Variants in MCPH1 observed in about 807,000 individuals in gnomAD.
The protein encoded by MCPH1 is microcephalin.
A neutral mutation model predicts 84.5 loss-of-function variants in MCPH1; 104 were observed. The observed-to-expected ratio is 1.23, with a 90% CI of 1.05 to 1.45. MCPH1 has a LOEUF of 1.45. MCPH1 is among the 40% of genes most tolerant of loss of function. MCPH1 has a pLI of 0.00. For synonymous variants in MCPH1, 514 were observed against 366.8 expected, an observed-to-expected ratio of 1.40 and a Z score of -4.58; for missense variants, 1,498 against 1,005.7, an observed-to-expected ratio of 1.49 and a Z score of -6.62.
chr8:6,555,834 T>C (rs1824516519), intron 12 of MCPH1, among the ~76,000 whole-genome samples: 1 of 152,252 alleles, frequency 6.6e-6, no homozygotes, highest in South Asian at 2.1e-4. Flanking sequence ...CCAATTCTAT[T>C]ACAAGGTGGA....
intron 12 of MCPH1, among the ~76,000 whole-genome samples, chr8:6,551,100 C>T (rs1823569419): frequency 6.6e-6 from 1 of 152,198 alleles, no homozygotes; most frequent in South Asian, 2.1e-4. Flanking sequence ...TGCTTACCTT[C>T]CACGGCTCCT....
At chr8:6,609,901 C>T (rs1344138073) in intron 12 of MCPH1, among the ~76,000 whole-genome samples, 1 of 148,108 alleles carries the variant, frequency 6.8e-6, no homozygotes, top group African/African-American at 2.5e-5. Flanking sequence ...TACACACCCT[C>T]CTCTGCCATC....
At chr8:6,441,790 G>C (rs1022080713) in intron 6 of MCPH1, among the ~76,000 whole-genome samples, 2 of 152,222 alleles carry the variant, frequency 1.3e-5, no homozygotes, top group Non-Finnish European at 2.9e-5. Flanking sequence ...CTCTGGTTGG[G>C]AAGCAGTGCT....
intron 13 of MCPH1, chr8:6,622,113 C>A (rs1246115556): frequency 3.2e-6 from 1 of 315,850 alleles, no homozygotes; most frequent in South Asian, 2.9e-5. Flanking sequence ...ATCTCCTCTC[C>A]CAGGTACATC....
At chr8:6,419,728 G>T (rs889558696) in intron 3 of MCPH1, among the ~76,000 whole-genome samples, 1 of 151,938 alleles carries the variant, frequency 6.6e-6, no homozygotes, top group African/African-American at 2.4e-5. Flanking sequence ...GGCCAGGCTG[G>T]GCTCAAGTGA....
In MCPH1 at chr8:6,645,583, A is replaced by G. The variant is rs1243924314; in HGVS notation, c.*2534A>G. ...TTTATTCTCAAGAATACAAGACACT[A>G]TGTATAGAAATTGTAAGGAATGCAA... On this transcript the variant is annotated 3_prime_UTR_variant, in exon 14 of 14. Coordinates refer to ENST00000344683, the MANE Select transcript of MCPH1 (RefSeq NM_024596.5). 3.7e-5 allele frequency: 5 copies of G among 133,692 alleles called. No homozygotes were observed. Among genetic ancestry groups the G allele is most frequent in the Non-Finnish European group, 4.6e-5 (3 of 65,298 alleles). 8.3% of individuals were successfully genotyped at this position (133,692 alleles called of 1,614,324 possible). A position where few individuals can be genotyped will look rare whatever the true frequency, so the allele number is the denominator to read the frequency against.
rs1813441428 is a variant in MCPH1 at position 6,505,611 on chromosome 8, CTTTATATA to C, written c.2214+5692_2214+5699del. On this transcript the variant is annotated intron_variant, in intron 12 of 13. Coordinates refer to ENST00000344683, the MANE Select transcript of MCPH1 (RefSeq NM_024596.5). ...TTTGTATATATGGAATATATATATT[CTTTATATA>C]TTTATATATGAATGTATATATTCTT... 6.5e-5 allele frequency among the ~76,000 whole-genome samples: 8 copies of C among 122,828 alleles called. No homozygotes were observed. In the South Asian group the frequency reaches 1.8e-3, roughly 27 times the overall value. The allele number at this position is 122,828 out of a possible 152,430, so 80.6% of individuals were successfully genotyped here.
intron 13 of MCPH1, 86 bp from the exon 14 acceptor site, chr8:6,642,908 T>A: frequency 8.1e-7 from 1 of 1,239,108 alleles, no homozygotes; most frequent in Non-Finnish European, 1.2e-6. Flanking sequence ...TTTTTAAATA[T>A]AGTTTCATGT....
At chr8:6,592,741 G>C (rs1216827392) in intron 12 of MCPH1, among the ~76,000 whole-genome samples, 1 of 146,092 alleles carries the variant, frequency 6.8e-6, no homozygotes, top group Non-Finnish European at 1.5e-5. Flanking sequence ...TGCAACCTCT[G>C]CCTCCCAGGC....
chr8:6,517,784 G>A (rs900308790), intron 12 of MCPH1, among the ~76,000 whole-genome samples: 2 of 152,154 alleles, frequency 1.3e-5, no homozygotes, highest in Non-Finnish European at 2.9e-5. Flanking sequence ...AGCCACAAAT[G>A]GCAGAGCTAG....
chr8:6,647,449 A>G lies in MCPH1; in HGVS notation c.*4400A>G, dbSNP rs1798266163. 6.6e-6 allele frequency: 1 copy of G among 152,228 alleles called. No individual in the cohort carries two copies. Among genetic ancestry groups the G allele is most frequent in the Non-Finnish European group, 1.5e-5 (1 of 68,036 alleles). The allele number at this position is 152,228 out of a possible 1,614,324, so 9.4% of individuals were successfully genotyped here. A position where few individuals can be genotyped will look rare whatever the true frequency, so the allele number is the denominator to read the frequency against. ...GTATATAACCAAAATACATGAAAAC[A>G]TGGATCTGCACAAGGTCTTGTATAC... is the stretch of plus-strand genomic sequence containing the variant. On this transcript the variant is annotated 3_prime_UTR_variant, in exon 14 of 14. Transcript: ENST00000344683.
At chr8:6,621,326 A>G in intron 12 of MCPH1, 128 bp from the exon 13 acceptor site, 1 of 1,189,724 alleles carries the variant, frequency 8.4e-7, no homozygotes, top group Admixed American at 1.8e-5. Flanking sequence ...CAAAATTCAC[A>G]GGAGCATGGC....
intron 9 of MCPH1, among the ~76,000 whole-genome samples, chr8:6,458,526 G>C (rs901904198): frequency 9.9e-5 from 15 of 151,774 alleles, no homozygotes; most frequent in Non-Finnish European, 2.2e-4. Context: ...TAAAGGTTGA[G>C]TGAGTGTTTT....
chr8:6,579,002 C>G (rs1183416986), intron 12 of MCPH1, among the ~76,000 whole-genome samples: 2 of 152,198 alleles, frequency 1.3e-5, no homozygotes, highest in East Asian at 1.9e-4. Flanking sequence ...GCTGCATGAT[C>G]TGGTCTGGGG....
At position 6,414,786 on chromosome 8, in the gene MCPH1, C is replaced by T. The variant is rs1216140126; in HGVS notation, c.136C>T (p.Gln46Ter). Residue 46 changes from glutamine to a stop codon, truncating the protein, a stop_gained, in exon 3 of 14, where the codon CAA (glutamine) becomes TAA (stop). Coordinates refer to ENST00000344683, the MANE Select transcript of MCPH1 (RefSeq NM_024596.5). LOFTEE classifies it high-confidence loss of function. The stretch of plus-strand genomic sequence containing the variant: ...ACAGGTTTCAAAAACTTTTAACAAA[C>T]AAGTAACTCACGTTATCTTCAAAGA... The part of the protein sequence containing the change: ...GAKVSKTFNK[Q>*]VTHVIFKDGY... The T allele has an allele frequency of 1.2e-6, 2 of 1,613,662 alleles. No individual in the cohort carries two copies. The highest frequency in any genetic ancestry group is 8.5e-7 in the Non-Finnish European group (1 of 1,179,840).
Position 6,442,105 on chromosome 8 carries a change from A to C in MCPH1, c.619A>C (p.Asn207His). 6.2e-7 allele frequency: 1 copy of C among 1,613,782 alleles called. No individual in the cohort carries two copies. The highest frequency in any genetic ancestry group is 1.1e-5 in the South Asian group (1 of 91,070). ...MIQQSHDNPS[N>H]SLCEAPLNIS... The stretch of plus-strand genomic sequence containing the variant: ...TCAGCAGTCTCATGATAATCCAAGT[A>C]ACTCTCTGTGTGAAGCACCTTTGAA... Residue 207 changes from asparagine to histidine, a missense_variant, in exon 7 of 14, where the codon AAC becomes CAC. By Grantham distance (68) the Asn-to-His change is moderately conservative. Transcript: ENST00000344683.
intron 11 of MCPH1, among the ~76,000 whole-genome samples, chr8:6,491,487 T>A (rs1049844914): frequency 5.3e-5 from 8 of 152,056 alleles, no homozygotes; most frequent in Middle Eastern, 6.8e-3. Flanking sequence ...CTTTTTTTTT[T>A]ATTATACTTT....
intron 12 of MCPH1, among the ~76,000 whole-genome samples, chr8:6,522,897 C>G (rs73522649): frequency 6.6e-6 from 1 of 152,188 alleles, no homozygotes; most frequent in East Asian, 1.9e-4. Context: ...CTGCTTCTCT[C>G]CTTTTAATGT....
rs181414578 is a variant in MCPH1 at position 6,595,891 on chromosome 8, C to T, written c.2215-25563C>T. Among the ~76,000 whole-genome samples, 30 of 152,268 alleles carry T rather than the reference C, an allele frequency of 2.0e-4. No homozygotes were observed. In the East Asian group the frequency reaches 5.6e-3, roughly 28 times the overall value. ...ACGAAGCATCAGAAAAGTTAGGGTG[C>T]AACCATTTGTTTTCAGTTTACAAAA... On this transcript the variant is annotated intron_variant, in intron 12 of 13. Coordinates refer to ENST00000344683, the MANE Select transcript of MCPH1 (RefSeq NM_024596.5).
Sources: gnomAD v4.1 joint callset for allele counts (sites outside exome capture counted in the v4.1 genomes callset) on GRCh38, gnomAD v4.1.1 for gene constraint, MANE v1.5 for transcripts, NCBI Gene and HGNC (gene_info 2026-07-23, HGNC 2026-07-21) for gene names.